The following BLTP3A variants were observed in gnomAD, a reference collection of about 807,000 sequenced individuals.
BLTP3A encodes ICBP90 binding protein 1.
the BLTP3A span, among the ~76,000 whole-genome samples, chr6:34,863,003 G>C: frequency 6.6e-6 from 1 of 151,786 alleles, no homozygotes; most frequent in Non-Finnish European, 1.5e-5. Context: ...CGACCTCCCA[G>C]GCTCAGGTGA....
At chr6:34,809,830 G>A in the BLTP3A span, among the ~76,000 whole-genome samples, 2 of 152,080 alleles carry the variant, frequency 1.3e-5, no homozygotes, top group African/African-American at 4.8e-5. Flanking sequence ...TGCTGGGATT[G>A]TAGACATGAG....
chr6:34,794,286 A>G, the BLTP3A span, among the ~76,000 whole-genome samples: 1 of 152,252 alleles, frequency 6.6e-6, no homozygotes, highest in African/African-American at 2.4e-5. Context: ...TGCCTATATC[A>G]AAACATCTCA....
At chr6:34,813,092 A>T in the BLTP3A span, among the ~76,000 whole-genome samples, 7 of 152,230 alleles carry the variant, frequency 4.6e-5, no homozygotes, top group South Asian at 1.2e-3. Flanking sequence ...TATTTCTCCC[A>T]GGAGGGTTCA....
chr6:34,870,908 T>C, the BLTP3A span: 1 of 1,614,242 alleles, frequency 6.2e-7, no homozygotes, highest in South Asian at 1.1e-5. Flanking sequence ...AGGCCAGCTG[T>C]GGGCCTTCGC....
the BLTP3A span, among the ~76,000 whole-genome samples, chr6:34,818,209 C>T: frequency 7.9e-5 from 12 of 152,128 alleles, no homozygotes; most frequent in Middle Eastern, 6.3e-3. Context: ...TGGCTCACAT[C>T]TGTAATGCCA....
the BLTP3A span, among the ~76,000 whole-genome samples, chr6:34,825,624 A>T: frequency 6.6e-6 from 1 of 152,200 alleles, no homozygotes; most frequent in Non-Finnish European, 1.5e-5. Flanking sequence ...TCTTTTCTAA[A>T]GGCATTAATC....
the BLTP3A span, chr6:34,859,032 T>C: frequency 2.5e-6 from 4 of 1,614,182 alleles, no homozygotes; most frequent in Admixed American, 1.7e-5. Context: ...GTGCTGTCGA[T>C]GCTGACTCTG....
the BLTP3A span, chr6:34,792,302 C>A: frequency 6.5e-7 from 1 of 1,541,134 alleles, no homozygotes; most frequent in East Asian, 2.5e-5. Context: ...CCGGTGAGAG[C>A]GCCAGCGCCG....
chr6:34,808,128 G>C, the BLTP3A span, among the ~76,000 whole-genome samples: 2 of 151,896 alleles, frequency 1.3e-5, no homozygotes, highest in Non-Finnish European at 2.9e-5. Context: ...TGGATCACCT[G>C]AGGTCAGAAG....
At chr6:34,846,562 A>T in the BLTP3A span, among the ~76,000 whole-genome samples, 12 of 152,062 alleles carry the variant, frequency 7.9e-5, no homozygotes, top group Non-Finnish European at 1.5e-4. Flanking sequence ...TCTTTTTCAG[A>T]TTGTTTGCTG....
the BLTP3A span, among the ~76,000 whole-genome samples, chr6:34,802,273 G>T: frequency 6.6e-6 from 1 of 151,542 alleles, no homozygotes; most frequent in Admixed American, 6.6e-5. Context: ...CGGTGCGATC[G>T]TAGCTCACTG....
chr6:34,857,780 G>A, the BLTP3A span: 2 of 1,614,038 alleles, frequency 1.2e-6, no homozygotes, highest in African/African-American at 1.3e-5. Flanking sequence ...TATGGATCCT[G>A]TCAGTTTGCT....
At chr6:34,827,161 A>AT in the BLTP3A span, among the ~76,000 whole-genome samples, 1 of 152,058 alleles carries the variant, frequency 6.6e-6, no homozygotes, top group African/African-American at 2.4e-5. Context: ...AATACAAAAA[A>AT]TTAGCCGGGC....
At chr6:34,829,317 C>T in the BLTP3A span, among the ~76,000 whole-genome samples, 1 of 152,150 alleles carries the variant, frequency 6.6e-6, no homozygotes. Flanking sequence ...CTATTCTGAA[C>T]ATTTATATAA....
the BLTP3A span, among the ~76,000 whole-genome samples, chr6:34,831,188 C>T: frequency 2.0e-5 from 3 of 150,786 alleles, no homozygotes; most frequent in African/African-American, 2.4e-5. Flanking sequence ...AGTGCAATGG[C>T]GCAGTCTCAG....
At chr6:34,858,829 C>T in the BLTP3A span, 2 of 1,614,022 alleles carry the variant, frequency 1.2e-6, no homozygotes, top group African/African-American at 1.3e-5. Flanking sequence ...TTCCCCGGCC[C>T]ATGTCCGCGT....
the BLTP3A span, chr6:34,834,936 ATTG>A: frequency 6.5e-7 from 1 of 1,542,886 alleles, no homozygotes; most frequent in Non-Finnish European, 8.8e-7. Flanking sequence ...GTATTCCCTT[ATTG>A]TTTGGAATGT....
chr6:34,832,846 T>G, the BLTP3A span, among the ~76,000 whole-genome samples: 1 of 152,342 alleles, frequency 6.6e-6, no homozygotes, highest in Non-Finnish European at 1.5e-5. Context: ...TCTCTCTGGT[T>G]TTTGAAGTTC....
the BLTP3A span, among the ~76,000 whole-genome samples, chr6:34,793,091 C>G: frequency 6.6e-6 from 1 of 152,128 alleles, no homozygotes; most frequent in African/African-American, 2.4e-5. Flanking sequence ...GAACCAACAA[C>G]GTCCGCTTCT....
Sources: allele counts gnomAD v4.1 joint callset (sites outside exome capture counted in the v4.1 genomes callset), GRCh38; gene constraint gnomAD v4.1.1; transcripts MANE v1.5; gene names NCBI Gene and HGNC (gene_info 2026-07-23, HGNC 2026-07-21).